GBP7: variants seen among roughly 807,000 people sequenced by gnomAD.
The protein encoded by GBP7 is guanylate binding protein 7, also known as guanylate-binding protein 7.
Under a neutral mutation model 61.3 loss-of-function variants are expected in GBP7, and 43 were observed. The observed-to-expected ratio is 0.70, with a 90% CI of 0.55 to 0.91. The LOEUF (loss-of-function observed/expected upper bound fraction) is 0.91. GBP7 is among the 40% of genes least tolerant of loss of function. GBP7 has a pLI of 0.00. For missense variants in GBP7, 717 were observed against 740.5 expected (o/e 0.97, Z 0.37); for synonymous variants, 267 against 271.0 (o/e 0.99, Z 0.14).
At chr1:89,160,224 G>C (rs1682408460) in intron 3 of GBP7, among the ~76,000 whole-genome samples, 1 of 152,170 alleles carries the variant, frequency 6.6e-6, no homozygotes, top group African/African-American at 2.4e-5. Flanking sequence ...GGTGGAGGGA[G>C]TGTGGAGGGA....
At chr1:89,166,942 C>G (rs1033777737) in intron 2 of GBP7, among the ~76,000 whole-genome samples, 2 of 152,268 alleles carry the variant, frequency 1.3e-5, no homozygotes, top group East Asian at 1.9e-4. Flanking sequence ...TTCAGAACAC[C>G]CTGCATGTAC....
chr1:89,142,213 C>A (rs1681971111), intron 8 of GBP7, among the ~76,000 whole-genome samples: 1 of 67,246 alleles, frequency 1.5e-5, no homozygotes, highest in Non-Finnish European at 2.9e-5. Flanking sequence ...ACTGTTTAGT[C>A]TATTTAGGAG....
intron 8 of GBP7, among the ~76,000 whole-genome samples, chr1:89,144,109 AC>A (rs748401274): frequency 6.6e-6 from 1 of 152,146 alleles, no homozygotes; most frequent in African/African-American, 2.4e-5. Flanking sequence ...GCTCCCACTT[AC>A]AAGTGAGAAC....
intron 1 of GBP7, 75 bp from the exon 2 acceptor site, chr1:89,172,029 C>A: frequency 9.8e-7 from 1 of 1,020,620 alleles, no homozygotes; most frequent in South Asian, 1.6e-5. Flanking sequence ...GGGCATAAAT[C>A]TTTGTTTTCT....
At position 89,164,796 on chromosome 1, in the gene GBP7, G is replaced by T; in HGVS notation, c.253C>A (p.His85Asn). ...AGGGTGTGGTTTGGCTTGGAGGGGTGGGGCACACACCACATCCAGATGCCT... is the reference window on the plus strand; with the variant it reads ...AGGGTGTGGTTTGGCTTGGAGGGGTTGGGCACACACCACATCCAGATGCCT... ...TKGIWMWCVP[H>N]PSKPNHTLIL... is the part of the protein sequence containing the mutation. The change falls in exon 3 of 11, where the codon CAC becomes AAC. Residue 85 changes from histidine (H) to asparagine (N), a missense_variant. Transcript: ENST00000294671. The T allele has an allele frequency of 6.8e-6, 11 of 1,613,348 alleles. No individual in the cohort carries two copies. Among genetic ancestry groups the T allele is most frequent in the Non-Finnish European group, 9.3e-6 (11 of 1,179,718 alleles).
In GBP7 at chr1:89,141,605, A is replaced by G. The variant is rs553041646; in HGVS notation, c.1409T>C (p.Ile470Thr). 22 of 1,613,850 alleles carry G rather than the reference A, an allele frequency of 1.4e-5. No homozygotes were observed. The highest frequency in any genetic ancestry group is 8.0e-5 in the African/African-American group (6 of 74,986). The change falls in exon 9 of 11, where the codon ATA (isoleucine) becomes ACA (threonine). Residue 470 changes from isoleucine (I) to threonine (T), a missense_variant. This residue lies in a region of GBP7 where 312 missense variants were observed against 310.1 expected (regional missense o/e 1.01). Transcript: ENST00000294671. ...LQSFLQSQVV[I>T]EESILQSDKA... ...GTCTGACTGCAGGATGGATTCCTCT[A>G]TAACCACCTGTGACTGCAGGAAGCT...
chr1:89,161,977 C>T (rs1430147733), intron 3 of GBP7, among the ~76,000 whole-genome samples: 1 of 150,202 alleles, frequency 6.7e-6, no homozygotes, highest in East Asian at 1.9e-4. Context: ...CAATTTCAAT[C>T]TTCTGCATAT....
chr1:89,148,365 A>G (rs1180638814), intron 7 of GBP7, among the ~76,000 whole-genome samples: 1 of 152,196 alleles, frequency 6.6e-6, no homozygotes, highest in Non-Finnish European at 1.5e-5. Context: ...CAGATTTAAG[A>G]TATCCCCCAG....
intron 3 of GBP7, among the ~76,000 whole-genome samples, chr1:89,154,413 G>T (rs1682267638): frequency 6.6e-6 from 1 of 152,004 alleles, no homozygotes; most frequent in African/African-American, 2.4e-5. Flanking sequence ...CAGTGCAATG[G>T]TGCAAACACT....
rs182943568 is a variant in GBP7, at chr1:89,137,464, A to G, written c.1469-4013T>C. Among the ~76,000 whole-genome samples the G allele has an allele frequency of 4.1e-4, 63 of 152,306 alleles. 3 individuals are homozygous for G. In the East Asian group the frequency reaches 6.2e-3, roughly 15 times the overall value. On this transcript the variant is annotated intron_variant, in intron 9 of 10. Transcript: ENST00000294671. ...TTAAAAAGCGAACCCACCACTGTCA[A>G]TTAGGCTTTATTCCTGGAATGCAAG... is the stretch of plus-strand genomic sequence containing the variant.
chr1:89,133,216 G>A, intron 10 of GBP7, 42 bp downstream of exon 10: 1 of 1,501,954 alleles, frequency 6.7e-7, no homozygotes, highest in Non-Finnish European at 9.2e-7. Flanking sequence ...ATGAGGAACT[G>A]GCATTGTGCC....
intron 9 of GBP7, among the ~76,000 whole-genome samples, chr1:89,135,464 C>T (rs1408622718): frequency 6.6e-6 from 1 of 152,112 alleles, no homozygotes; most frequent in East Asian, 1.9e-4. Context: ...GGCAGGTCTT[C>T]TACAAAGGGA....
chr1:89,172,104 G>A, intron 1 of GBP7, 150 bp from the exon 2 acceptor site: 1 of 566,650 alleles, frequency 1.8e-6, no homozygotes, highest in Non-Finnish European at 3.1e-6. Flanking sequence ...CTGTCCTATA[G>A]ACTGGGCCAC....
At chr1:89,153,189 C>T (rs1276281048) in intron 3 of GBP7, among the ~76,000 whole-genome samples, 1 of 152,156 alleles carries the variant, frequency 6.6e-6, no homozygotes, top group Non-Finnish European at 1.5e-5. Context: ...TTGTTTGTGA[C>T]ACTAGAAAGC....
At chr1:89,136,623 C>A (rs1022548864) in intron 9 of GBP7, among the ~76,000 whole-genome samples, 2 of 152,112 alleles carry the variant, frequency 1.3e-5, no homozygotes, top group Admixed American at 6.5e-5. Flanking sequence ...AACAAAGATA[C>A]AACCTACCAG....
chr1:89,166,200 G>C (rs1647432273), intron 2 of GBP7, among the ~76,000 whole-genome samples: 2 of 152,234 alleles, frequency 1.3e-5, no homozygotes, highest in Admixed American at 6.5e-5. Context: ...TAAAATTAGA[G>C]AGAGGGCTGA....
At chr1:89,168,996 A>G (rs1033738924) in intron 2 of GBP7, among the ~76,000 whole-genome samples, 1 of 150,912 alleles carries the variant, frequency 6.6e-6, no homozygotes, top group East Asian at 1.9e-4. Flanking sequence ...AAAAAACAAA[A>G]AAACTCCTGT....
intron 5 of GBP7, among the ~76,000 whole-genome samples, chr1:89,151,057 G>A (rs1468801312): frequency 6.6e-6 from 1 of 151,010 alleles, no homozygotes; most frequent in Non-Finnish European, 1.5e-5. Flanking sequence ...CCCTTTTTTT[G>A]TGGTAAGAGT....
intron 3 of GBP7, among the ~76,000 whole-genome samples, chr1:89,163,634 A>G (rs963414534): frequency 6.6e-6 from 1 of 151,888 alleles, no homozygotes; most frequent in East Asian, 1.9e-4. Context: ...CCTATTTTCA[A>G]TTTATACTCA....
Sources: allele counts gnomAD v4.1 joint callset (sites outside exome capture counted in the v4.1 genomes callset), GRCh38; gene constraint gnomAD v4.1.1; regional missense constraint gnomAD v4.1.1; transcripts MANE v1.5; gene names NCBI Gene and HGNC (gene_info 2026-07-23, HGNC 2026-07-21).